The following ZNF236 variants were observed in gnomAD, a reference collection of about 807,000 sequenced individuals.
The protein encoded by ZNF236 is regulated by glucose.
Under a neutral mutation model 191.2 loss-of-function variants are expected in ZNF236, and 50 were observed. The observed-to-expected ratio is 0.26, with a 90% CI of 0.21 to 0.33. The LOEUF (loss-of-function observed/expected upper bound fraction) is 0.33. ZNF236 is among the 10% of genes least tolerant of loss of function. The pLI is 1.00. For synonymous variants in ZNF236, 907 were observed against 928.8 expected (o/e 0.98, Z 0.43); for missense variants, 1,754 against 2,374.5 (o/e 0.74, Z 5.43).
rs749063356 is a variant in ZNF236 at position 76,881,437 on chromosome 18, A to G, written c.1342A>G (p.Lys448Glu). ...QTDPTDAEQE[K>E]EQESPEKLDK... ...GGACCCCACAGACGCAGAGCAAGAAAAAGAACAGGAAAGCCCGGAGAAACT... is the reference window on the plus strand; with the variant it reads ...GGACCCCACAGACGCAGAGCAAGAAGAAGAACAGGAAAGCCCGGAGAAACT... Residue 448 changes from lysine (K) to glutamate (E), a missense_variant, in exon 9 of 31, where the codon AAA becomes GAA. Physicochemically the swap from Lys to Glu is moderately conservative, Grantham distance 56. Around this residue, in one of 5 missense-constraint regions of ZNF236, gnomAD observed 126 missense variants for 110.9 expected, o/e 1.14. Transcript: ENST00000320610. The G allele has an allele frequency of 5.0e-6, 8 of 1,614,076 alleles. No homozygotes were observed. Among genetic ancestry groups the G allele is most frequent in the Non-Finnish European group, 2.5e-6 (3 of 1,180,034 alleles).
chr18:76,968,423 C>A lies in ZNF236; in HGVS notation c.*84C>A. The A allele has an allele frequency of 6.5e-7, 1 of 1,531,764 alleles. No homozygotes were observed. The highest frequency in any genetic ancestry group is 8.7e-7 in the Non-Finnish European group (1 of 1,154,004). The allele number at this position is 1,531,764 out of a possible 1,614,324, so 94.9% of individuals were successfully genotyped here. ...AGCACTTGGAATCTCCGTTTTAAAG[C>A]TTCAAGTGTTAAAAATGCTACAATA... On this transcript the variant is annotated 3_prime_UTR_variant, in exon 31 of 31. Transcript: ENST00000320610.
intron 9 of ZNF236, among the ~76,000 whole-genome samples, chr18:76,882,157 T>C (rs1259968752): frequency 6.6e-6 from 1 of 152,226 alleles, no homozygotes; most frequent in Non-Finnish European, 1.5e-5. Context: ...CTGCACATCA[T>C]GCTTTCTGCA....
At position 76,915,654 on chromosome 18, in the gene ZNF236, G is replaced by A. The variant is rs1264765015; in HGVS notation, c.3069G>A (p.Lys1023=). 1 of 1,613,786 alleles carries A rather than the reference G, an allele frequency of 6.2e-7. No homozygotes were observed. Among genetic ancestry groups the A allele is most frequent in the African/African-American group, 1.3e-5 (1 of 75,014 alleles). Residue 1023 remains lysine, a synonymous_variant, in exon 19 of 31, where the codon AAG becomes AAA. Coordinates refer to ENST00000320610, the MANE Select transcript of ZNF236 (RefSeq NM_001306089.2). The stretch of plus-strand genomic sequence containing the variant: ...CTGTTTCTGTGCTTGCAGGAGTGAA[G>A]GCGTTCAGCTGCAGTGTGTGCAATG... ...KSHEKTHTGV[K]AFSCSVCNAS...
chr18:76,825,335 G>T (rs918553141), intron 1 of ZNF236, among the ~76,000 whole-genome samples: 2 of 152,170 alleles, frequency 1.3e-5, no homozygotes, highest in African/African-American at 4.8e-5. Context: ...TCAGGCTTCT[G>T]TAAGGTAAAT....
intron 3 of ZNF236, among the ~76,000 whole-genome samples, chr18:76,867,609 A>C (rs1022817880): frequency 6.6e-6 from 1 of 152,222 alleles, no homozygotes; most frequent in African/African-American, 2.4e-5. Context: ...ATGTTTGTAC[A>C]GTTCATTTTG....
chr18:76,936,025 C>T (rs1266980674), intron 25 of ZNF236: 1 of 457,060 alleles, frequency 2.2e-6, no homozygotes, highest in East Asian at 6.9e-5. Context: ...GAGTGTGGAT[C>T]TGTGGAGGCA....
In ZNF236 at chr18:76,871,704, A is replaced by G. The variant is rs747917942; in HGVS notation, c.546A>G (p.Val182=). The G allele has an allele frequency of 1.9e-6, 3 of 1,614,208 alleles. No homozygotes were observed. Among genetic ancestry groups the G allele is most frequent in the Non-Finnish European group, 2.5e-6 (3 of 1,180,018 alleles). Residue 182 remains valine, a synonymous_variant, in exon 5 of 31, where the codon GTA becomes GTG. Coordinates refer to ENST00000320610, the MANE Select transcript of ZNF236 (RefSeq NM_001306089.2). The part of the protein sequence containing the change: ...EHMKTHYKIR[V]SSTRSYNRNI... ...TTGCCCCCCTTTATTACACTAGGGT[A>G]TCAAGTACAAGGTCTTATAACCGGA...
intron 3 of ZNF236, among the ~76,000 whole-genome samples, chr18:76,857,394 C>T (rs981129540): frequency 5.9e-5 from 9 of 152,164 alleles, no homozygotes; most frequent in African/African-American, 2.2e-4. Context: ...TAGATATGGT[C>T]TTCCTCCTCT....
intron 1 of ZNF236, among the ~76,000 whole-genome samples, chr18:76,847,627 G>C (rs146496158): frequency 6.6e-6 from 1 of 152,044 alleles, no homozygotes; most frequent in Admixed American, 6.6e-5. Flanking sequence ...CACCACGCCC[G>C]GCTGATTTTT....
At chr18:76,906,659 G>A (rs900001077) in intron 13 of ZNF236, among the ~76,000 whole-genome samples, 1 of 152,180 alleles carries the variant, frequency 6.6e-6, no homozygotes, top group Admixed American at 6.5e-5. Flanking sequence ...CGGACCCAGT[G>A]ACCAATGCTG....
At chr18:76,951,261 GC>G (rs1327476469) in intron 27 of ZNF236, among the ~76,000 whole-genome samples, 3 of 152,216 alleles carry the variant, frequency 2.0e-5, no homozygotes, top group Admixed American at 1.3e-4. Context: ...CTTTTCTGTA[GC>G]TATGAAAGTC....
rs765449044 is a variant in ZNF236 at position 76,871,802 on chromosome 18, C to T, written c.644C>T (p.Thr215Met). 9 of 1,614,078 alleles carry T rather than the reference C, an allele frequency of 5.6e-6. No homozygotes were observed. In the Admixed American group the frequency reaches 8.3e-5, roughly 15 times the overall value. ...GKTFQKPSQL[T>M]RHIRIHTGER... ...ACGTTTCAAAAGCCAAGCCAGTTAA[C>T]GCGACACATTAGGATACACACAGGT... Residue 215 changes from threonine to methionine, a missense_variant, in exon 5 of 31, where the codon ACG becomes ATG. Thr to Met is a moderately conservative substitution (Grantham distance 81). This residue lies in a region of ZNF236 where 336 missense variants were observed against 495.1 expected (regional missense o/e 0.68). Transcript: ENST00000320610.
intron 19 of ZNF236, among the ~76,000 whole-genome samples, chr18:76,916,666 C>A (rs1967373097): frequency 1.3e-5 from 2 of 152,302 alleles, no homozygotes; most frequent in South Asian, 4.1e-4. Context: ...ACACGTTGCG[C>A]CAGCACACAG....
chr18:76,834,617 C>T, intron 1 of ZNF236: 1 of 449,754 alleles, frequency 2.2e-6, no homozygotes, highest in Non-Finnish European at 4.3e-6. Context: ...CACAGTTGTG[C>T]CATTATCCTT....
chr18:76,881,577 T>C, intron 9 of ZNF236, 65 bp downstream of exon 9: 2 of 1,407,278 alleles, frequency 1.4e-6, no homozygotes, highest in Non-Finnish European at 1.9e-6. Context: ...TTAAGAAATG[T>C]GCCCTTCTTT....
chr18:76,958,268 A>G (rs1483221844), intron 28 of ZNF236, among the ~76,000 whole-genome samples: 1 of 152,196 alleles, frequency 6.6e-6, no homozygotes, highest in East Asian at 1.9e-4. Flanking sequence ...CTCAGAGAGC[A>G]CTTTCTAGGG....
chr18:76,963,319 C>T (rs1319487039), intron 30 of ZNF236, among the ~76,000 whole-genome samples: 6 of 152,126 alleles, frequency 3.9e-5, no homozygotes, highest in African/African-American at 1.4e-4. Context: ...TTTTCTGCAT[C>T]TGTAGAAATG....
intron 5 of ZNF236, among the ~76,000 whole-genome samples, chr18:76,872,416 G>C (rs759657288): frequency 6.6e-6 from 1 of 152,252 alleles, no homozygotes; most frequent in Non-Finnish European, 1.5e-5. Context: ...AGTGAGCTAT[G>C]ATCGTGCCAC....
At chr18:76,912,429 C>G in intron 17 of ZNF236, 82 bp downstream of exon 17, 2 of 940,698 alleles carry the variant, frequency 2.1e-6, no homozygotes, top group Non-Finnish European at 3.3e-6. Flanking sequence ...GCTCCAAGGG[C>G]TCTGCGATTT....
Sources: allele counts gnomAD v4.1 joint callset (sites outside exome capture counted in the v4.1 genomes callset), GRCh38; gene constraint gnomAD v4.1.1; regional missense constraint gnomAD v4.1.1; transcripts MANE v1.5; gene names NCBI Gene and HGNC (gene_info 2026-07-23, HGNC 2026-07-21).